The following LCN9 variants were observed in gnomAD, a reference collection of about 807,000 sequenced individuals.
LCN9 encodes lipocalin 9.
LCN9 carries 22 observed loss-of-function variants against 18.5 expected under a neutral mutation model. The ratio of observed to expected loss-of-function variants is 1.19; its 90% CI spans 0.85 to 1.70. LCN9 has a LOEUF of 1.70. LCN9 is among the 40% of genes most tolerant of loss of function. The pLI, the probability that LCN9 is intolerant of heterozygous loss-of-function variation, is 0.00. For missense variants in LCN9, 202 were observed against 201.3 expected (o/e 1.00, Z -0.02); for synonymous variants, 89 against 83.0 (o/e 1.07, Z -0.39).
exon 6 of LCN9, chr9:135,666,062 A>G (rs748353200): frequency 6.3e-7 from 1 of 1,599,564 alleles, no homozygotes; most frequent in South Asian, 1.1e-5. Flanking sequence ...TGTGAAAAGC[A>G]TCCTGGAGTC....
At position 135,665,098 on chromosome 9, in the gene LCN9, G is replaced by A. The variant is rs1242861955; in HGVS notation, c.308-147G>A. 7.5e-6 allele frequency: 5 copies of A among 669,092 alleles called. No individual in the cohort carries two copies. The highest frequency in any genetic ancestry group is 2.2e-5 in the Admixed American group (1 of 46,358). The allele number at this position is 669,092 out of a possible 1,614,324, so 41.4% of individuals were successfully genotyped here. A position where few individuals can be genotyped will look rare whatever the true frequency, so the allele number is the denominator to read the frequency against. On this transcript the variant is annotated intron_variant, in intron 3 of 5. Coordinates refer to ENST00000619315, the Ensembl canonical transcript of LCN9. The surrounding 1 kb of genome is among the most constrained non-coding windows in gnomAD (Gnocchi z 5.9). ...GCTGCTGCCCGCCCCCTGTGCAGGG[G>A]TCTCCGCTGGGTGAGCACCGTGGGC...
rs1834181993 is a variant in LCN9, at chr9:135,664,412, G to A, written c.233+114G>A. 2.2e-6 allele frequency: 3 copies of A among 1,374,330 alleles called. No individual in the cohort carries two copies. The highest frequency in any genetic ancestry group is 3.5e-5 in the Admixed American group (2 of 57,818). 85.1% of individuals were successfully genotyped at this position (1,374,330 alleles called of 1,614,324 possible). Reference sequence around the variant, plus strand: ...CACACTCACTGACTTGCACTCTGGTGAGAGCCTGAGCCTGTGCGTGTGACC... The same window carrying A: ...CACACTCACTGACTTGCACTCTGGTAAGAGCCTGAGCCTGTGCGTGTGACC... On this transcript the variant is annotated intron_variant, in intron 2 of 5. Coordinates refer to ENST00000619315, the Ensembl canonical transcript of LCN9. The surrounding 1 kb of genome is among the most constrained non-coding windows in gnomAD (Gnocchi z 4.5).
rs117018551 is a variant in LCN9, at chr9:135,664,290, C to T, written c.225C>T (p.Phe75=). Residue 75 remains phenylalanine (F), a synonymous_variant, in exon 2 of 6, where the codon TTC becomes TTT. Coordinates refer to ENST00000619315, the Ensembl canonical transcript of LCN9. This position sits in a 1 kb window ranked among gnomAD's most constrained non-coding sequence, Gnocchi z 4.5. Reference sequence around the variant, plus strand: ...AGAACGGCAGCCTAATATTTGATTTCGAATACATGTGCGTGTTGCCCATCT... The same window carrying T: ...AGAACGGCAGCCTAATATTTGATTTTGAATACATGTGCGTGTTGCCCATCT... 5,195 of 1,613,788 alleles carry T rather than the reference C, an allele frequency of 3.2e-3. 15 individuals carry two copies. Among genetic ancestry groups the T allele is most frequent in the East Asian group, 5.1e-3 (227 of 44,888 alleles).
chr9:135,666,087 G>A (rs1231215690), exon 6 of LCN9: 1 of 1,599,346 alleles, frequency 6.3e-7, no homozygotes, highest in East Asian at 2.2e-5. Context: ...CAGTGATGGG[G>A]CCTTCCAGGG....
chr9:135,666,539 G>A (rs1834225970), exon 6 of LCN9: 2 of 169,832 alleles, frequency 1.2e-5, no homozygotes, highest in South Asian at 2.9e-4. Context: ...GGTCACCACA[G>A]GCTCCTTCTC....
chr9:135,665,218 G>T lies in LCN9; in HGVS notation c.308-27G>T. The T allele has an allele frequency of 6.7e-7, 1 of 1,484,388 alleles. No individual in the cohort carries two copies. Among genetic ancestry groups the T allele is most frequent in the Non-Finnish European group, 9.2e-7 (1 of 1,082,180 alleles). The allele number at this position is 1,484,388 out of a possible 1,614,324, so 92.0% of individuals were successfully genotyped here. A position where few individuals can be genotyped will look rare whatever the true frequency, so the allele number is the denominator to read the frequency against. On this transcript the variant is annotated intron_variant, in intron 3 of 5. Coordinates refer to ENST00000619315, the Ensembl canonical transcript of LCN9. The surrounding 1 kb of genome is among the most constrained non-coding windows in gnomAD (Gnocchi z 5.9). ...AGGACCCTGAGGGTGGCGGGGCCAG[G>T]CCACGCTGAGCCATGTCTCCACGCA... is the stretch of plus-strand genomic sequence containing the variant.
rs1317189593 is a variant in LCN9, at chr9:135,664,981, G to A, written c.307+186G>A. 6.6e-6 allele frequency among the ~76,000 whole-genome samples: 1 copy of A among 152,146 alleles called. No individual in the cohort carries two copies. Among genetic ancestry groups the A allele is most frequent in the African/African-American group, 2.4e-5 (1 of 41,450 alleles). On this transcript the variant is annotated intron_variant, in intron 3 of 5. Transcript: ENST00000619315. The surrounding 1 kb of genome is among the most constrained non-coding windows in gnomAD (Gnocchi z 4.5). ...GCTCCTGGCCCAGGGGAAGCAGGGA[G>A]GCAGGTGTGTCATGCTGAGCTCTGG...
chr9:135,663,563 G>C (rs1405131889), intron 1 of LCN9, 146 bp downstream of exon 1: 2 of 429,984 alleles, frequency 4.7e-6, no homozygotes, highest in Non-Finnish European at 9.4e-6. Context: ...CAGCCTGGGA[G>C]AGCAGGGGTT....
In LCN9 at chr9:135,664,130, GC is replaced by G. The variant is rs751269453; in HGVS notation, c.97-26del. ...TAAGCATCCCCAGGGCTGTCCCGCG[GC>G]CCCCCACCCACTGGAGCTCTTTGTC... On this transcript the variant is annotated intron_variant, in intron 1 of 5. Coordinates refer to ENST00000619315, the Ensembl canonical transcript of LCN9. This position sits in a 1 kb window ranked among gnomAD's most constrained non-coding sequence, Gnocchi z 4.5. 2.4e-5 allele frequency: 38 copies of G among 1,610,160 alleles called. No homozygotes were observed. The highest frequency in any genetic ancestry group is 3.4e-5 in the Admixed American group (2 of 59,456).
chr9:135,665,264 G>A lies in LCN9; in HGVS notation c.327G>A (p.Val109=), dbSNP rs746925540. 1.4e-5 allele frequency: 23 copies of A among 1,598,124 alleles called. No individual in the cohort carries two copies. In the East Asian group the frequency reaches 4.3e-4, roughly 30 times the overall value. ...ACGCAGATGAGGGCCAGAACACAGT[G>A]GCCGTCTCGGAGACTGACTACAGGC... The change falls in exon 4 of 6, where the codon GTG becomes GTA. Residue 109 remains valine, a synonymous_variant. Transcript: ENST00000619315. The surrounding 1 kb of genome is among the most constrained non-coding windows in gnomAD (Gnocchi z 5.9).
Position 135,664,699 on chromosome 9 carries a change from G to A in LCN9, c.234-23G>A. On this transcript the variant is annotated intron_variant, in intron 2 of 5. Coordinates refer to ENST00000619315, the Ensembl canonical transcript of LCN9. The surrounding 1 kb of genome is among the most constrained non-coding windows in gnomAD (Gnocchi z 4.5). ...CCAGGGGGCTGGAGCTCCACTCCCG[G>A]CATCTTCCTGGCTGGCTTCCAGGGT... 1 of 1,561,224 alleles carries A rather than the reference G, an allele frequency of 6.4e-7. No homozygotes were observed. Among genetic ancestry groups the A allele is most frequent in the East Asian group, 2.4e-5 (1 of 42,496 alleles).
In LCN9 at chr9:135,665,907, G is replaced by A; in HGVS notation, c.*56G>A. The stretch of plus-strand genomic sequence containing the variant: ...ACAGGAGCCCGCCCAGGCCTCCCAT[G>A]CGTGAGCTGCGACTCGGGACGGGCA... On this transcript the variant is annotated 3_prime_UTR_variant, in exon 6 of 6. Transcript: ENST00000619315. The surrounding 1 kb of genome is among the most constrained non-coding windows in gnomAD (Gnocchi z 5.9). 4 of 1,611,594 alleles carry A rather than the reference G, an allele frequency of 2.5e-6. No homozygotes were observed. In the African/African-American group the frequency reaches 5.3e-5, roughly 21 times the overall value.
At chr9:135,663,978 G>GA (rs1318997901) in intron 1 of LCN9, among the ~76,000 whole-genome samples, 184 bp from the exon 2 acceptor site, 4 of 139,580 alleles carry the variant, frequency 2.9e-5, no homozygotes, top group Non-Finnish European at 6.2e-5. Context: ...GAGCAGAGGG[G>GA]CGACCTTGGG....
intron 1 of LCN9, among the ~76,000 whole-genome samples, 165 bp from the exon 2 acceptor site, chr9:135,663,997 G>A (rs1357342506): frequency 6.8e-6 from 1 of 146,420 alleles, no homozygotes; most frequent in Non-Finnish European, 1.5e-5. Flanking sequence ...GGGGTAAAGG[G>A]GGGATCTGGT....
In LCN9 at chr9:135,664,478, C is replaced by T. The variant is rs1834183869; in HGVS notation, c.233+180C>T. On this transcript the variant is annotated intron_variant, in intron 2 of 5. Coordinates refer to ENST00000619315, the Ensembl canonical transcript of LCN9. This position sits in a 1 kb window ranked among gnomAD's most constrained non-coding sequence, Gnocchi z 4.5. ...AGGTGGGAGCAGGGACTTGGTCTGC[C>T]TGGCACTGTGCTCTTCCCTGAAACA... Among the ~76,000 whole-genome samples, 1 of 152,080 alleles carries T rather than the reference C, an allele frequency of 6.6e-6. No homozygotes were observed. Among genetic ancestry groups the T allele is most frequent in the Admixed American group, 6.5e-5 (1 of 15,280 alleles).
At position 135,664,979 on chromosome 9, in the gene LCN9, G is replaced by T. The variant is rs1343044836; in HGVS notation, c.307+184G>T. Among the ~76,000 whole-genome samples, 1 of 152,162 alleles carries T rather than the reference G, an allele frequency of 6.6e-6. No individual in the cohort carries two copies. The highest frequency in any genetic ancestry group is 1.5e-5 in the Non-Finnish European group (1 of 68,006). ...GGGCTCCTGGCCCAGGGGAAGCAGG[G>T]AGGCAGGTGTGTCATGCTGAGCTCT... On this transcript the variant is annotated intron_variant, in intron 3 of 5. Coordinates refer to ENST00000619315, the Ensembl canonical transcript of LCN9. This position sits in a 1 kb window ranked among gnomAD's most constrained non-coding sequence, Gnocchi z 4.5.
rs758016996 is a variant in LCN9 at position 135,665,878 on chromosome 9, C to T, written c.*27C>T. 2 of 1,612,894 alleles carry T rather than the reference C, an allele frequency of 1.2e-6. No individual in the cohort carries two copies. The highest frequency in any genetic ancestry group is 2.7e-5 in the African/African-American group (2 of 74,896). Reference sequence around the variant, plus strand: ...CCTTCCAGATCCCTGCTACTCCAAGCATTACAGGAGCCCGCCCAGGCCTCC... The same window carrying T: ...CCTTCCAGATCCCTGCTACTCCAAGTATTACAGGAGCCCGCCCAGGCCTCC... On this transcript the variant is annotated 3_prime_UTR_variant, in exon 6 of 6. Transcript: ENST00000619315. This position sits in a 1 kb window ranked among gnomAD's most constrained non-coding sequence, Gnocchi z 5.9.
At position 135,665,870 on chromosome 9, in the gene LCN9, A is replaced by G. The variant is rs1242034347; in HGVS notation, c.*19A>G. ...CCCTCTGTCCTTCCAGATCCCTGCT[A>G]CTCCAAGCATTACAGGAGCCCGCCC... On this transcript the variant is annotated 3_prime_UTR_variant, in exon 6 of 6. Transcript: ENST00000619315. This position sits in a 1 kb window ranked among gnomAD's most constrained non-coding sequence, Gnocchi z 5.9. The G allele has an allele frequency of 1.2e-6, 2 of 1,612,724 alleles. No individual in the cohort carries two copies. Among genetic ancestry groups the G allele is most frequent in the Non-Finnish European group, 1.7e-6 (2 of 1,179,528 alleles).
rs934560119 is a variant in LCN9, at chr9:135,664,835, G to T, written c.307+40G>T. On this transcript the variant is annotated intron_variant, in intron 3 of 5. Coordinates refer to ENST00000619315, the Ensembl canonical transcript of LCN9. This position sits in a 1 kb window ranked among gnomAD's most constrained non-coding sequence, Gnocchi z 4.5. ...GGCTCCTCCTGGTCTCACAGTCGGGGGTCTCCTTTCTCCAGGGCCTGGGCC... is the reference window on the plus strand; with the variant it reads ...GGCTCCTCCTGGTCTCACAGTCGGGTGTCTCCTTTCTCCAGGGCCTGGGCC... The T allele has an allele frequency of 3.9e-6, 6 of 1,544,706 alleles. No individual in the cohort carries two copies. The African/African-American group carries it at 6.9e-5, about 18-fold the overall frequency.
Sources: allele counts gnomAD v4.1 joint callset (sites outside exome capture counted in the v4.1 genomes callset), GRCh38; gene constraint gnomAD v4.1.1; non-coding constraint Gnocchi (gnomAD v3.1); transcripts MANE v1.5; gene names NCBI Gene and HGNC (gene_info 2026-07-23, HGNC 2026-07-21).